Variants in ZFYVE26 observed in about 807,000 individuals in gnomAD.
The protein encoded by ZFYVE26 is zinc finger FYVE domain-containing protein 26.
Under a neutral mutation model 276.5 loss-of-function variants are expected in ZFYVE26, and 181 were observed. The observed-to-expected ratio is 0.65, with a 90% CI of 0.58 to 0.74. The LOEUF (loss-of-function observed/expected upper bound fraction) is 0.74, where lower values mean the gene tolerates loss of function less well. Among genes scored for constraint, ZFYVE26 ranks in the 30% least tolerant of loss-of-function variants. The pLI, the probability that ZFYVE26 is intolerant of heterozygous loss-of-function variation, is 0.00. For synonymous variants in ZFYVE26, 1,129 were observed against 1,203.1 expected (o/e 0.94, Z 1.27); for missense variants, 2,821 against 3,097.9 (o/e 0.91, Z 2.12).
chr14:67,775,832 A>T lies in ZFYVE26; in HGVS notation c.5221+28T>A, dbSNP rs776699043. 5 of 1,613,892 alleles carry T rather than the reference A, an allele frequency of 3.1e-6. No individual in the cohort carries two copies. The South Asian group carries it at 4.4e-5, about 14-fold the overall frequency. ...GCATGGCATTTCTTCCTCCATGTAGAATCCCCTTCTAGGATGCTAGCAGTT... is the reference window on the plus strand; with the variant it reads ...GCATGGCATTTCTTCCTCCATGTAGTATCCCCTTCTAGGATGCTAGCAGTT... On this transcript the variant is annotated intron_variant, in intron 26 of 41. Transcript: ENST00000347230.
chr14:67,810,559 A>G (rs1426809152), intron 3 of ZFYVE26, among the ~76,000 whole-genome samples: 1 of 152,130 alleles, frequency 6.6e-6, no homozygotes, highest in African/African-American at 2.4e-5. Flanking sequence ...CAATTTTTTC[A>G]AACAAAAAGG....
chr14:67,749,014 T>G (rs1280822249), intron 41 of ZFYVE26, among the ~76,000 whole-genome samples: 2 of 152,144 alleles, frequency 1.3e-5, no homozygotes, highest in Non-Finnish European at 2.9e-5. Flanking sequence ...TGTAGTTACT[T>G]GAGTGATTAT....
At position 67,752,537 on chromosome 14, in the gene ZFYVE26, A is replaced by G. The variant is rs748558046; in HGVS notation, c.7189-11T>C. On this transcript the variant is annotated splice_polypyrimidine_tract_variant and intron_variant, in intron 39 of 41. Transcript: ENST00000347230. ...ATCCAGCTGGAAGTCCTAGAACAGAACACAACATGATGGGCTTAGGAGCAG... is the reference window on the plus strand; with the variant it reads ...ATCCAGCTGGAAGTCCTAGAACAGAGCACAACATGATGGGCTTAGGAGCAG... The G allele has an allele frequency of 6.2e-7, 1 of 1,614,096 alleles. No individual in the cohort carries two copies. Among genetic ancestry groups the G allele is most frequent in the East Asian group, 2.2e-5 (1 of 44,868 alleles).
At chr14:67,741,711 T>G (rs986598377), downstream of ZFYVE26, among the ~76,000 whole-genome samples, 1 of 152,330 alleles carries the variant, frequency 6.6e-6, no homozygotes, top group African/African-American at 2.4e-5. Flanking sequence ...GTGAATGGTG[T>G]GATAACTGTA....
chr14:67,765,205 T>C (rs1383153786), intron 32 of ZFYVE26, among the ~76,000 whole-genome samples: 1 of 152,232 alleles, frequency 6.6e-6, no homozygotes, highest in Non-Finnish European at 1.5e-5. Flanking sequence ...CACTTCCTTC[T>C]ACTTTGTTTC....
intron 32 of ZFYVE26, among the ~76,000 whole-genome samples, chr14:67,764,159 C>T (rs2140196598): frequency 6.6e-6 from 1 of 152,264 alleles, no homozygotes. Flanking sequence ...CTGTCTAGTG[C>T]TGCTGAGACA....
chr14:67,735,477 G>C (rs549467299), intron 13 of ZFYVE26: 7 of 578,860 alleles, frequency 1.2e-5, no homozygotes. Flanking sequence ...ATTGGTGGCC[G>C]AGACACCGTT....
At chr14:67,812,334 C>T (rs550105139) in intron 3 of ZFYVE26, among the ~76,000 whole-genome samples, 1 of 152,224 alleles carries the variant, frequency 6.6e-6, no homozygotes, top group Non-Finnish European at 1.5e-5. Flanking sequence ...AGATACATCT[C>T]TGCAAGATTA....
Position 67,778,012 on chromosome 14 carries a change from T to A in ZFYVE26, c.4797+114A>T, listed in dbSNP as rs1365888176. 2.0e-6 allele frequency: 3 copies of A among 1,489,752 alleles called. No individual in the cohort carries two copies. The East Asian group carries it at 6.8e-5, about 34-fold the overall frequency. 92.3% of individuals were successfully genotyped at this position (1,489,752 alleles called of 1,614,324 possible). A position where few individuals can be genotyped will look rare whatever the true frequency, so the allele number is the denominator to read the frequency against. ...ATGACTATAACCAGCTCCTGAAAGA[T>A]CAGAAGAGGCATAGCTGAGATTGCA... On this transcript the variant is annotated intron_variant, in intron 24 of 41. Coordinates refer to ENST00000347230, the MANE Select transcript of ZFYVE26 (RefSeq NM_015346.4).
In ZFYVE26 at chr14:67,785,223, G is replaced by A. The variant is rs2039617997; in HGVS notation, c.3359C>T (p.Pro1120Leu). 2 of 1,613,672 alleles carry A rather than the reference G, an allele frequency of 1.2e-6. No homozygotes were observed. Among genetic ancestry groups the A allele is most frequent in the African/African-American group, 1.3e-5 (1 of 74,910 alleles). The change falls in exon 19 of 42, where the codon CCA (proline) becomes CTA (leucine). Residue 1120 changes from proline to leucine, a missense_variant. Coordinates refer to ENST00000347230, the MANE Select transcript of ZFYVE26 (RefSeq NM_015346.4). Reference protein sequence around the residue: ...SLVEQAAQKAPEAEAHPVQIQ... With the variant: ...SLVEQAAQKALEAEAHPVQIQ... ...CTGCACAGGGTGGGCCTCTGCCTCT[G>A]GAGCTTTCTGGGCTGCCTGCTCCAC...
chr14:67,775,145 G>A (rs1224421092), intron 26 of ZFYVE26, 31 bp from the exon 27 acceptor site: 12 of 1,487,402 alleles, frequency 8.1e-6, no homozygotes, highest in Non-Finnish European at 1.0e-5. Context: ...GACAAAATAT[G>A]GTTCTACCAT....
chr14:67,810,875 A>AGTGTGT (rs139434942), intron 3 of ZFYVE26, among the ~76,000 whole-genome samples: 1 of 151,594 alleles, frequency 6.6e-6, no homozygotes, highest in African/African-American at 2.4e-5. Context: ...TGTGTGTGAG[A>AGTGTGT]GTGTGTGTGT....
rs1480317433 is a variant in ZFYVE26, at chr14:67,798,044, G to A, written c.2218C>T (p.His740Tyr). ...SKVVSEAQWRHKVVTSNHRSE... is the reference protein window; with the variant it reads ...SKVVSEAQWRYKVVTSNHRSE... Reference sequence around the variant, plus strand: ...CGATGGTTGCTTGTCACCACCTTGTGTCTCCACTGGGCCTCAGAGACAACC... The same window carrying A: ...CGATGGTTGCTTGTCACCACCTTGTATCTCCACTGGGCCTCAGAGACAACC... The change falls in exon 11 of 42, where the codon CAC (histidine) becomes TAC (tyrosine). Residue 740 changes from histidine (H) to tyrosine (Y), a missense_variant. His to Tyr is a moderately conservative substitution (Grantham distance 83). Coordinates refer to ENST00000347230, the MANE Select transcript of ZFYVE26 (RefSeq NM_015346.4). 23 of 1,613,976 alleles carry A rather than the reference G, an allele frequency of 1.4e-5. No individual in the cohort carries two copies. The highest frequency in any genetic ancestry group is 1.9e-5 in the Non-Finnish European group (22 of 1,180,026).
At position 67,775,992 on chromosome 14, in the gene ZFYVE26, C is replaced by T; in HGVS notation, c.5089G>A (p.Ala1697Thr). 6.2e-7 allele frequency: 1 copy of T among 1,614,232 alleles called. No homozygotes were observed. Among genetic ancestry groups the T allele is most frequent in the South Asian group, 1.1e-5 (1 of 91,086 alleles). ...AGCAGCTGCTGGAGAGTCTGCACAG[C>T]CACAGTGGCCCAATCCACCTTCATG... ...MNMKVDWATV[A>T]VQTLQQLLVG... Residue 1697 changes from alanine to threonine, a missense_variant, in exon 26 of 42, where the codon GCT becomes ACT. Physicochemically the swap from Ala to Thr is moderately conservative, Grantham distance 58. Transcript: ENST00000347230.
At chr14:67,740,812 G>A (rs188637514) in intron 13 of ZFYVE26, among the ~76,000 whole-genome samples, 87 of 152,184 alleles carry the variant, frequency 5.7e-4, no homozygotes, top group African/African-American at 2.1e-3. Context: ...GGAGACTGAG[G>A]CAGGAGAATC....
rs145652212 is a variant in ZFYVE26 at position 67,766,373 on chromosome 14, A to G, written c.5865T>C (p.Ile1955=). Residue 1955 remains isoleucine, a synonymous_variant, in exon 32 of 42, where the codon ATT becomes ATC. Transcript: ENST00000347230. ...CCTTGGAGAGCCTGCAGCAGTGCTC[A>G]ATCAGCTGGTGACCACAGGCAATGC... is the stretch of plus-strand genomic sequence containing the variant. ...RDSIACGHQL[I]EHCCRLSKGL... 24 of 1,612,800 alleles carry G rather than the reference A, an allele frequency of 1.5e-5. No individual in the cohort carries two copies. In the African/African-American group the frequency reaches 3.1e-4, roughly 21 times the overall value.
Position 67,769,581 on chromosome 14 carries a change from G to A in ZFYVE26, c.5621+13C>T, listed in dbSNP as rs2039150876. 1 of 1,613,168 alleles carries A rather than the reference G, an allele frequency of 6.2e-7. No individual in the cohort carries two copies. The highest frequency in any genetic ancestry group is 1.1e-5 in the South Asian group (1 of 91,026). Reference sequence around the variant, plus strand: ...GGTCAATAATAGCAACAGCCCTGCTGTAGGACACTCACTCTTTGTTGCAGT... The same window carrying A: ...GGTCAATAATAGCAACAGCCCTGCTATAGGACACTCACTCTTTGTTGCAGT... On this transcript the variant is annotated intron_variant, in intron 29 of 41. Coordinates refer to ENST00000347230, the MANE Select transcript of ZFYVE26 (RefSeq NM_015346.4).
intron 27 of ZFYVE26, 142 bp from the exon 28 acceptor site, chr14:67,772,352 G>T: frequency 9.9e-7 from 1 of 1,011,448 alleles, no homozygotes; most frequent in Non-Finnish European, 1.5e-6. Context: ...GACTGTTTGT[G>T]TCATAAAAGA....
At chr14:67,778,413 G>T in intron 23 of ZFYVE26, 165 bp from the exon 24 acceptor site, 1 of 821,528 alleles carries the variant, frequency 1.2e-6, no homozygotes, top group South Asian at 1.6e-5. Context: ...TTTCCTCTTA[G>T]CACTACCATA....
Sources: allele counts gnomAD v4.1 joint callset (sites outside exome capture counted in the v4.1 genomes callset), GRCh38; gene constraint gnomAD v4.1.1; transcripts MANE v1.5; gene names NCBI Gene and HGNC (gene_info 2026-07-23, HGNC 2026-07-21).